The following TBC1D5 variants were observed in gnomAD, a reference collection of about 807,000 sequenced individuals.
The protein encoded by TBC1D5 is TBC1 domain family member 5, also known as TBC1 domain family, member 5.
TBC1D5 carries 75 observed loss-of-function variants against 100.3 expected under a neutral mutation model. That is an observed-to-expected ratio of 0.75 (90% CI 0.62 to 0.91). The LOEUF (loss-of-function observed/expected upper bound fraction) is 0.91. Ranked by LOEUF, TBC1D5 falls within the 40% of genes least tolerant of loss-of-function variation. TBC1D5 has a pLI of 0.00. For synonymous variants in TBC1D5, 323 were observed against 325.6 expected (o/e 0.99, Z 0.09); for missense variants, 910 against 942.4 (o/e 0.97, Z 0.45).
chr3:17,254,225 T>C (rs989334722), intron 16 of TBC1D5, among the ~76,000 whole-genome samples: 8 of 152,230 alleles, frequency 5.3e-5, no homozygotes, highest in African/African-American at 1.9e-4. Context: ...TTCCCTCGGA[T>C]AAACACTTAG....
rs371306249 is a variant in TBC1D5, at chr3:17,455,512, GTATATATATATATATATA to G, written c.98-27011_98-26994del. Among the ~76,000 whole-genome samples the G allele has an allele frequency of 1.2e-4, 16 of 128,882 alleles. No homozygotes were observed. In the South Asian group the frequency reaches 1.9e-3, roughly 16 times the overall value. 84.6% of individuals were successfully genotyped at this position (128,882 alleles called of 152,430 possible). A position where few individuals can be genotyped will look rare whatever the true frequency, so the allele number is the denominator to read the frequency against. Reference sequence around the variant, plus strand: ...TATGTGTATATATATATGTGTGTGTGTATATATATATATATATATGTGTGTGTGTGTGTATATATATAT... The same window carrying G: ...TATGTGTATATATATATGTGTGTGTGTGTGTGTGTGTGTGTATATATATAT... On this transcript the variant is annotated intron_variant, in intron 3 of 21. Transcript: ENST00000253692.
chr3:17,189,493 A>G (rs1197739984), intron 18 of TBC1D5, among the ~76,000 whole-genome samples: 1 of 152,238 alleles, frequency 6.6e-6, no homozygotes, highest in Non-Finnish European at 1.5e-5. Flanking sequence ...GGGCCACTCT[A>G]TAAGAAGAGA....
chr3:17,368,206 C>T (rs2092276599), intron 13 of TBC1D5, among the ~76,000 whole-genome samples: 1 of 152,002 alleles, frequency 6.6e-6, no homozygotes, highest in Non-Finnish European at 1.5e-5. Context: ...AGATAAATGT[C>T]ATCAATTTAT....
At chr3:17,349,192 A>G (rs979637621) in intron 13 of TBC1D5, among the ~76,000 whole-genome samples, 9 of 152,208 alleles carry the variant, frequency 5.9e-5, no homozygotes, top group African/African-American at 2.2e-4. Flanking sequence ...CAATTAGTCT[A>G]TCAGTATATA....
At chr3:17,389,694 A>T (rs112473505) in intron 8 of TBC1D5, among the ~76,000 whole-genome samples, 7 of 152,244 alleles carry the variant, frequency 4.6e-5, no homozygotes, top group African/African-American at 1.7e-4. Flanking sequence ...GAGCCATCCT[A>T]CTGAGCCCTG....
chr3:17,508,064 G>T (rs2095862313), intron 3 of TBC1D5, among the ~76,000 whole-genome samples: 2 of 141,958 alleles, frequency 1.4e-5, no homozygotes, highest in African/African-American at 5.2e-5. Context: ...AAAAAAAAAA[G>T]AGGATGAATC....
intron 15 of TBC1D5, among the ~76,000 whole-genome samples, chr3:17,261,997 A>G (rs189350340): frequency 4.6e-5 from 7 of 152,224 alleles, no homozygotes; most frequent in African/African-American, 1.4e-4. Context: ...GAAAACTGTG[A>G]TTTCTCATTG....
intron 17 of TBC1D5, among the ~76,000 whole-genome samples, chr3:17,221,262 A>C (rs919430118): frequency 6.6e-6 from 1 of 151,902 alleles, no homozygotes; most frequent in African/African-American, 2.4e-5. Flanking sequence ...TGGCCAACCT[A>C]ATCCTGTGAG....
chr3:17,530,087 T>C (rs1462180824), intron 2 of TBC1D5, among the ~76,000 whole-genome samples: 1 of 151,476 alleles, frequency 6.6e-6, no homozygotes, highest in Non-Finnish European at 1.5e-5. Flanking sequence ...CTACTAAAAA[T>C]ACAAAAATTA....
chr3:17,487,739 G>C (rs1456684840), intron 3 of TBC1D5, among the ~76,000 whole-genome samples: 2 of 152,098 alleles, frequency 1.3e-5, no homozygotes, highest in African/African-American at 4.8e-5. Context: ...GAGGAATAAA[G>C]GGAAAAGTTA....
chr3:17,173,360 T>G, intron 19 of TBC1D5, among the ~76,000 whole-genome samples: 1 of 152,198 alleles, frequency 6.6e-6, no homozygotes, highest in Non-Finnish European at 1.5e-5. Context: ...TACTGCCTTT[T>G]ATTCCATGGT....
chr3:17,415,155 T>G (rs1040738598), intron 4 of TBC1D5, among the ~76,000 whole-genome samples: 1 of 152,094 alleles, frequency 6.6e-6, no homozygotes, highest in African/African-American at 2.4e-5. Flanking sequence ...TCCTTTTTAT[T>G]ATTTATTTAT....
At chr3:17,695,684 A>T (rs1247520225) in intron 1 of TBC1D5, among the ~76,000 whole-genome samples, 2 of 152,228 alleles carry the variant, frequency 1.3e-5, no homozygotes, top group Non-Finnish European at 2.9e-5. Context: ...TATTAGACAG[A>T]TCAACAAGAC....
intron 3 of TBC1D5, among the ~76,000 whole-genome samples, chr3:17,463,943 CTTTT>C (rs1025162858): frequency 0.024 from 2,092 of 87,498 alleles, 50 homozygotes; most frequent in African/African-American, 0.091. Context: ...TTCCTTATTC[CTTTT>C]TTTTTTTTTT....
intron 2 of TBC1D5, among the ~76,000 whole-genome samples, chr3:17,534,375 T>C (rs578123911): frequency 2.0e-5 from 3 of 152,198 alleles, no homozygotes; most frequent in Non-Finnish European, 2.9e-5. Context: ...CTAAATCTTA[T>C]TGAATGTATA....
chr3:17,463,943 C>CTTTTTTT (rs1025162858), intron 3 of TBC1D5, among the ~76,000 whole-genome samples: 66 of 87,506 alleles, frequency 7.5e-4, no homozygotes, highest in African/African-American at 1.1e-3. Flanking sequence ...TTCCTTATTC[C>CTTTTTTT]TTTTTTTTTT....
intron 1 of TBC1D5, among the ~76,000 whole-genome samples, chr3:17,691,805 C>A (rs2071210886): frequency 1.4e-5 from 2 of 142,932 alleles, no homozygotes; most frequent in South Asian, 4.4e-4. Context: ...AGCCTGGCAA[C>A]AGAGTGAGAC....
intron 9 of TBC1D5, among the ~76,000 whole-genome samples, chr3:17,380,501 A>C (rs1312069809): frequency 1.3e-5 from 2 of 152,190 alleles, no homozygotes; most frequent in East Asian, 3.9e-4. Flanking sequence ...AATATGCTAC[A>C]AATTTGACAA....
intron 3 of TBC1D5, among the ~76,000 whole-genome samples, chr3:17,470,807 A>G (rs991818012): frequency 6.6e-6 from 1 of 152,130 alleles, no homozygotes; most frequent in Non-Finnish European, 1.5e-5. Context: ...CTGTAGTCCC[A>G]GCTACTCGGG....
Sources: gnomAD v4.1 joint callset for allele counts (sites outside exome capture counted in the v4.1 genomes callset) on GRCh38, gnomAD v4.1.1 for gene constraint, MANE v1.5 for transcripts, NCBI Gene and HGNC (gene_info 2026-07-23, HGNC 2026-07-21) for gene names.